Variants in CSMD1 observed in about 807,000 individuals in gnomAD.
CSMD1 encodes CUB and sushi domain-containing protein 1.
CSMD1 carries 213 observed loss-of-function variants against 417.5 expected under a neutral mutation model. The ratio of observed to expected loss-of-function variants is 0.51; its 90% confidence interval spans 0.46 to 0.57. CSMD1 has a LOEUF of 0.57. Among genes scored for constraint, CSMD1 ranks in the 20% least tolerant of loss-of-function variants. The pLI is 0.00. For synonymous variants in CSMD1, 2,862 were observed against 1,736.8 expected, an observed-to-expected ratio of 1.65 and a Z score of -16.11; for missense variants, 6,923 against 4,529.7, an observed-to-expected ratio of 1.53 and a Z score of -15.17.
chr8:3,990,208 A>G (rs962786089), intron 5 of CSMD1, among the ~76,000 whole-genome samples: 2 of 152,228 alleles, frequency 1.3e-5, no homozygotes, highest in Non-Finnish European at 2.9e-5. Context: ...ATTACAAACA[A>G]CAGGTATTTC....
At chr8:4,143,131 A>AGAGGATTG (rs11283361) in intron 3 of CSMD1, among the ~76,000 whole-genome samples, 46,633 of 150,798 alleles carry the variant, frequency 0.31, 8,081 homozygotes, top group Middle Eastern at 0.44. Context: ...GATTGGAATT[A>AGAGGATTG]GCATTTCTAG....
intron 25 of CSMD1, among the ~76,000 whole-genome samples, chr8:3,289,765 A>G (rs11136599): frequency 0.52 from 76,168 of 146,438 alleles, 22,877 homozygotes; most frequent in South Asian, 0.63. Flanking sequence ...ATTTTCTCCC[A>G]TTCTGTAGGT....
intron 2 of CSMD1, among the ~76,000 whole-genome samples, chr8:4,514,550 A>T (rs1803012717): frequency 1.3e-5 from 2 of 152,170 alleles, no homozygotes; most frequent in Non-Finnish European, 2.9e-5. Context: ...AACTGACGCT[A>T]ATTCCAACTC....
intron 5 of CSMD1, among the ~76,000 whole-genome samples, chr8:3,948,462 C>G (rs779129604): frequency 1.3e-5 from 2 of 152,004 alleles, no homozygotes; most frequent in African/African-American, 2.4e-5. Context: ...TGTGACCCTT[C>G]TTTGGCAGGG....
chr8:4,329,546 C>A (rs777904645), intron 3 of CSMD1, among the ~76,000 whole-genome samples: 1 of 152,102 alleles, frequency 6.6e-6, no homozygotes, highest in Non-Finnish European at 1.5e-5. Flanking sequence ...CCTTGGCCTC[C>A]CAAATTGCTT....
At chr8:4,252,901 G>A (rs1803180105) in intron 3 of CSMD1, among the ~76,000 whole-genome samples, 1 of 152,172 alleles carries the variant, frequency 6.6e-6, no homozygotes, top group African/African-American at 2.4e-5. Flanking sequence ...CCTTGTTCAT[G>A]ACCAACTTAA....
chr8:4,083,887 C>T (rs559432939), intron 3 of CSMD1, among the ~76,000 whole-genome samples: 3 of 152,190 alleles, frequency 2.0e-5, no homozygotes, highest in East Asian at 1.9e-4. Flanking sequence ...AAGAAACTAC[C>T]ACCAGAGTGA....
chr8:3,026,393 GGCCTCACTGGGCCTGA>G (rs1585178978), intron 51 of CSMD1, among the ~76,000 whole-genome samples: 1 of 151,572 alleles, frequency 6.6e-6, no homozygotes, highest in Non-Finnish European at 1.5e-5. Flanking sequence ...GACCTCACTC[GGCCTCACTGGGCCTGA>G]CTGGACCTCA....
chr8:4,842,698 T>G (rs1056992928), intron 1 of CSMD1, among the ~76,000 whole-genome samples: 3 of 152,204 alleles, frequency 2.0e-5, no homozygotes, highest in Non-Finnish European at 4.4e-5. Context: ...AAACAATTAT[T>G]ATGAGCTAGA....
intron 52 of CSMD1, among the ~76,000 whole-genome samples, chr8:3,014,645 C>T (rs914278589): frequency 8.5e-5 from 13 of 152,216 alleles, no homozygotes; most frequent in African/African-American, 2.9e-4. Context: ...ATTTTAAAAA[C>T]GTCCCGCCTA....
In CSMD1 at chr8:4,474,678, C is replaced by T. The variant is rs563670066; in HGVS notation, c.303-54613G>A. 7.9e-5 allele frequency among the ~76,000 whole-genome samples: 12 copies of T among 152,210 alleles called. No homozygotes were observed. In the East Asian group the frequency reaches 2.1e-3, roughly 27 times the overall value. ...TTACACAGTTGACGTTGAACAACAA[C>T]GTGGATCTCAACTGAGCAGTTTACT... On this transcript the variant is annotated intron_variant, in intron 2 of 69. Transcript: ENST00000635120.
At chr8:3,761,500 ATTT>A (rs57655479) in intron 5 of CSMD1, among the ~76,000 whole-genome samples, 15 of 93,392 alleles carry the variant, frequency 1.6e-4, no homozygotes, top group African/African-American at 4.7e-4. Flanking sequence ...CAAAACGACC[ATTT>A]TTTTTTTTTT....
chr8:3,296,861 T>C (rs1278693575), intron 25 of CSMD1, among the ~76,000 whole-genome samples: 2 of 152,158 alleles, frequency 1.3e-5, no homozygotes, highest in Non-Finnish European at 1.5e-5. Context: ...CTGTTGAGTT[T>C]AAGTTGTCAA....
At chr8:4,787,484 A>C in intron 1 of CSMD1, 1 of 874,436 alleles carries the variant, frequency 1.1e-6, no homozygotes, top group Non-Finnish European at 1.9e-6. Context: ...TGCAATCTCA[A>C]AGAAAATCAC....
chr8:4,233,068 C>G (rs1585067187), intron 3 of CSMD1, among the ~76,000 whole-genome samples: 4 of 152,310 alleles, frequency 2.6e-5, no homozygotes, highest in Admixed American at 2.0e-4. Flanking sequence ...TTTATTAAAG[C>G]TCATTGTTCT....
intron 1 of CSMD1, among the ~76,000 whole-genome samples, chr8:4,915,945 C>T (rs969427753): frequency 6.6e-6 from 1 of 152,308 alleles, no homozygotes. Flanking sequence ...CAAGTGGCAT[C>T]TCTTCCACAG....
intron 23 of CSMD1, among the ~76,000 whole-genome samples, chr8:3,335,178 A>G (rs1807174996): frequency 6.6e-6 from 1 of 151,804 alleles, no homozygotes; most frequent in African/African-American, 2.4e-5. Flanking sequence ...CTCTCATGTC[A>G]CTTGTTAGGG....
chr8:4,285,776 G>A (rs1309807744), intron 3 of CSMD1, among the ~76,000 whole-genome samples: 2 of 152,172 alleles, frequency 1.3e-5, no homozygotes, highest in Admixed American at 6.5e-5. Flanking sequence ...GTTAAGACAT[G>A]CAGGCTCTGC....
At chr8:4,115,179 C>G (rs773523110) in intron 3 of CSMD1, among the ~76,000 whole-genome samples, 2 of 152,164 alleles carry the variant, frequency 1.3e-5, no homozygotes, top group Non-Finnish European at 2.9e-5. Flanking sequence ...TCACAGCTAC[C>G]CCAGCCTTCA....
Sources: gnomAD v4.1 joint callset for allele counts (sites outside exome capture counted in the v4.1 genomes callset) on GRCh38, gnomAD v4.1.1 for gene constraint, MANE v1.5 for transcripts, NCBI Gene and HGNC (gene_info 2026-07-23, HGNC 2026-07-21) for gene names.